Variants in BAZ2B observed in about 807,000 individuals in gnomAD.
BAZ2B encodes the protein bromodomain adjacent to zinc finger domain protein 2B.
Under a neutral mutation model 246.0 loss-of-function variants are expected in BAZ2B, and 91 were observed. That is an observed-to-expected ratio of 0.37 (90% confidence interval 0.31 to 0.44). The LOEUF is 0.44. Ranked by LOEUF, BAZ2B falls within the 20% of genes least tolerant of loss-of-function variation. BAZ2B has a pLI of 1.00. For synonymous variants in BAZ2B, 855 were observed against 860.0 expected (o/e 0.99, Z 0.10); for missense variants, 2,332 against 2,533.7 (o/e 0.92, Z 1.71).
chr2:159,699,118 A>C, the BAZ2B span, among the ~76,000 whole-genome samples: 14 of 152,304 alleles, frequency 9.2e-5, no homozygotes, highest in East Asian at 2.1e-3. Context: ...TAGCAGACAC[A>C]CCCAGTATCC....
intron 26 of BAZ2B, 88 bp downstream of exon 26, chr2:159,374,603 G>T: frequency 3.5e-6 from 4 of 1,136,780 alleles, no homozygotes; most frequent in South Asian, 1.4e-5. Context: ...GCCTATTTTT[G>T]CTTAGCAGTC....
intron 22 of BAZ2B, 108 bp from the exon 23 acceptor site, chr2:159,385,477 G>C: frequency 1.1e-6 from 1 of 898,994 alleles, no homozygotes; most frequent in East Asian, 2.8e-5. Context: ...ACTGACAAGA[G>C]CTTTATTCAC....
chr2:159,608,823 T>C (rs1694092468), intron 1 of BAZ2B, among the ~76,000 whole-genome samples: 1 of 152,202 alleles, frequency 6.6e-6, no homozygotes, highest in African/African-American at 2.4e-5. Flanking sequence ...TTTGGCCATA[T>C]ATTCTGTTAT....
rs114302037 is a variant in BAZ2B at position 159,600,217 on chromosome 2, G to T, written c.-46+16025C>A. ...GTAGTTAATATTTTTGCACACCTAT[G>T]TAAATAAGCCATACCTCATGAGACC... is the stretch of plus-strand genomic sequence containing the variant. On this transcript the variant is annotated intron_variant, in intron 1 of 36. Transcript: ENST00000392783. Among the ~76,000 whole-genome samples, 1,400 of 152,222 alleles carry T rather than the reference G, an allele frequency of 9.2e-3. 15 individuals are homozygous for T. The highest frequency in any genetic ancestry group is 0.014 in the Non-Finnish European group (936 of 68,020).
chr2:159,541,063 G>A (rs761822532), intron 2 of BAZ2B, among the ~76,000 whole-genome samples: 4 of 152,068 alleles, frequency 2.6e-5, no homozygotes, highest in Non-Finnish European at 5.9e-5. Context: ...TCCTAGATTT[G>A]TATTTCTAAG....
intron 4 of BAZ2B, among the ~76,000 whole-genome samples, chr2:159,450,114 C>G (rs1204273524): frequency 6.6e-6 from 1 of 151,836 alleles, no homozygotes; most frequent in Non-Finnish European, 1.5e-5. Context: ...TGTAAACAAC[C>G]AAAAAATTGC....
intron 5 of BAZ2B, among the ~76,000 whole-genome samples, chr2:159,447,832 G>A (rs1015023209): frequency 1.3e-5 from 2 of 152,160 alleles, no homozygotes; most frequent in African/African-American, 2.4e-5. Flanking sequence ...TGTTATTAAG[G>A]CCGGGTGTGG....
At position 159,404,758 on chromosome 2, in the gene BAZ2B, T is replaced by C. The variant is rs1036174934; in HGVS notation, c.2832+91A>G. 12 of 1,091,244 alleles carry C rather than the reference T, an allele frequency of 1.1e-5. No individual in the cohort carries two copies. The African/African-American group carries it at 1.1e-4, about 10-fold the overall frequency. 67.6% of individuals were successfully genotyped at this position (1,091,244 alleles called of 1,614,324 possible). A position where few individuals can be genotyped will look rare whatever the true frequency, so the allele number is the denominator to read the frequency against. On this transcript the variant is annotated intron_variant, in intron 16 of 36. Coordinates refer to ENST00000392783, the MANE Select transcript of BAZ2B (RefSeq NM_013450.4). ...ACACAAATATTAATGTGAAATATAGTTATTTAAGAAATCAAAAATAATGTA... is the reference window on the plus strand; with the variant it reads ...ACACAAATATTAATGTGAAATATAGCTATTTAAGAAATCAAAAATAATGTA...
the BAZ2B span, among the ~76,000 whole-genome samples, chr2:159,661,765 G>A: frequency 6.9e-6 from 1 of 144,024 alleles, no homozygotes; most frequent in Non-Finnish European, 1.5e-5. Flanking sequence ...TCACAATGTT[G>A]TAAAACCATC....
intron 2 of BAZ2B, chr2:159,536,210 T>G (rs988092368): frequency 1.3e-5 from 2 of 152,196 alleles, no homozygotes; most frequent in Non-Finnish European, 2.9e-5. Context: ...ATCAAATATT[T>G]ATTGATTGAT....
At chr2:159,394,290 T>A (rs2063713251) in intron 20 of BAZ2B, among the ~76,000 whole-genome samples, 1 of 152,134 alleles carries the variant, frequency 6.6e-6, no homozygotes, top group Non-Finnish European at 1.5e-5. Context: ...ATTAGTCCCC[T>A]TCCTTACTCT....
intron 1 of BAZ2B, among the ~76,000 whole-genome samples, chr2:159,595,943 C>T (rs1198593057): frequency 1.3e-5 from 2 of 152,200 alleles, no homozygotes; most frequent in Non-Finnish European, 1.5e-5. Context: ...CACTTGGCTA[C>T]GCTGGAGTCT....
At chr2:159,435,560 T>G (rs1241897967) in intron 8 of BAZ2B, 1 of 152,274 alleles carries the variant, frequency 6.6e-6, no homozygotes, top group African/African-American at 2.4e-5. Flanking sequence ...TTCACTATGT[T>G]GGCCAGGATG....
At chr2:159,472,689 C>G (rs1256457363) in intron 3 of BAZ2B, among the ~76,000 whole-genome samples, 1 of 152,156 alleles carries the variant, frequency 6.6e-6, no homozygotes, top group Non-Finnish European at 1.5e-5. Flanking sequence ...GAGGTTTTAG[C>G]ATGAAGGGGT....
At chr2:159,443,746 T>G (rs1316754733) in intron 6 of BAZ2B, among the ~76,000 whole-genome samples, 3 of 152,128 alleles carry the variant, frequency 2.0e-5, no homozygotes, top group Non-Finnish European at 2.9e-5. Context: ...TCAGAATCTA[T>G]CTCTAAAACT....
chr2:159,704,463 CCTCT>C, the BAZ2B span, among the ~76,000 whole-genome samples: 57,545 of 146,394 alleles, frequency 0.39, 11,891 homozygotes, highest in African/African-American at 0.49. Context: ...TCCCTCCCTC[CCTCT>C]CTATCTTTCT....
intron 1 of BAZ2B, among the ~76,000 whole-genome samples, chr2:159,572,806 C>A (rs543430872): frequency 4.6e-4 from 70 of 151,976 alleles, no homozygotes; most frequent in Non-Finnish European, 3.8e-4. Flanking sequence ...TTACCAAAAC[C>A]AAAACAAAAA....
At chr2:159,514,645 T>C (rs1214836133) in intron 2 of BAZ2B, among the ~76,000 whole-genome samples, 1 of 152,192 alleles carries the variant, frequency 6.6e-6, no homozygotes, top group Non-Finnish European at 1.5e-5. Flanking sequence ...GTGTTTTCAG[T>C]CTGGCTCTGG....
At chr2:159,360,376 A>G (rs2059552841) in intron 27 of BAZ2B, among the ~76,000 whole-genome samples, 2 of 152,184 alleles carry the variant, frequency 1.3e-5, no homozygotes, top group African/African-American at 4.8e-5. Flanking sequence ...AAAATAAAAT[A>G]CCTAGGAATC....
Sources: allele counts gnomAD v4.1 joint callset (sites outside exome capture counted in the v4.1 genomes callset), GRCh38; gene constraint gnomAD v4.1.1; transcripts MANE v1.5; gene names NCBI Gene and HGNC (gene_info 2026-07-23, HGNC 2026-07-21).